Variants in INCENP observed in about 807,000 individuals in gnomAD.
The protein encoded by INCENP is binds and activates aurora-B and -C in vivo and in vitro.
A neutral mutation model predicts 107.3 loss-of-function variants in INCENP; 43 were observed. The ratio of observed to expected loss-of-function variants is 0.40; its 90% confidence interval spans 0.31 to 0.52. INCENP has a LOEUF of 0.52. Ranked by LOEUF, INCENP falls within the 20% of genes least tolerant of loss-of-function variation. INCENP has a pLI of 0.53. For missense variants in INCENP, 1,089 were observed against 1,250.9 expected, an observed-to-expected ratio of 0.87 and a Z score of 1.95; for synonymous variants, 488 against 494.4, an observed-to-expected ratio of 0.99 and a Z score of 0.17.
Position 62,137,689 on chromosome 11 carries a change from G to A in INCENP, c.1064-143G>A, listed in dbSNP as rs182686240. The A allele has an allele frequency of 2.2e-4, 159 of 736,030 alleles. 1 individual carries two copies. The highest frequency in any genetic ancestry group is 4.1e-5 in the Admixed American group (2 of 49,168). The allele number at this position is 736,030 out of a possible 1,614,324, so 45.6% of individuals were successfully genotyped here. A position where few individuals can be genotyped will look rare whatever the true frequency, so the allele number is the denominator to read the frequency against. ...GACACTAGTATGAGTGCTGAGGGGA[G>A]GGTCCTGGGCATGGTGGGGGCTCCA... On this transcript the variant is annotated intron_variant, in intron 4 of 18. Coordinates refer to ENST00000394818, the MANE Select transcript of INCENP (RefSeq NM_001040694.2).
intron 1 of INCENP, among the ~76,000 whole-genome samples, chr11:62,127,304 G>A (rs979597419): frequency 4.6e-5 from 7 of 152,204 alleles, no homozygotes; most frequent in African/African-American, 7.2e-5. Context: ...AAAGTGCTGG[G>A]ATTACGGGTG....
At chr11:62,147,879 CAT>C (rs1448344283) in intron 15 of INCENP, among the ~76,000 whole-genome samples, 1 of 152,128 alleles carries the variant, frequency 6.6e-6, no homozygotes, top group Non-Finnish European at 1.5e-5. Flanking sequence ...GTGTGATAGT[CAT>C]AGTGTCGGCA....
chr11:62,148,194 T>C (rs1446228650), intron 15 of INCENP, among the ~76,000 whole-genome samples: 1 of 152,190 alleles, frequency 6.6e-6, no homozygotes, highest in Non-Finnish European at 1.5e-5. Context: ...TGTTATGGTC[T>C]CCATTGTATA....
chr11:62,140,841 T>C lies in INCENP; in HGVS notation c.1461+20T>C, dbSNP rs2134653861. 6.2e-7 allele frequency: 1 copy of C among 1,613,486 alleles called. No individual in the cohort carries two copies. The highest frequency in any genetic ancestry group is 8.5e-7 in the Non-Finnish European group (1 of 1,179,742). On this transcript the variant is annotated intron_variant, in intron 9 of 18. Transcript: ENST00000394818. ...AGCAAGGTGAGCCAGGCACCTGCCC[T>C]CTCCTGGAGCCCTGACCCCCTTCAG...
chr11:62,131,388 G>A (rs1943890586), intron 4 of INCENP, among the ~76,000 whole-genome samples: 1 of 152,226 alleles, frequency 6.6e-6, no homozygotes, highest in Non-Finnish European at 1.5e-5. Context: ...ACTCGGTAAT[G>A]TTAGCTGCTC....
At chr11:62,125,442 G>A (rs546880680) in intron 1 of INCENP, among the ~76,000 whole-genome samples, 1 of 152,218 alleles carries the variant, frequency 6.6e-6, no homozygotes, top group Admixed American at 6.5e-5. Context: ...GAGGTCCTGC[G>A]CTTTGCCAGG....
intron 11 of INCENP, among the ~76,000 whole-genome samples, chr11:62,144,156 A>G (rs1473913201): frequency 6.6e-6 from 1 of 152,106 alleles, no homozygotes; most frequent in African/African-American, 2.4e-5. Context: ...ACATAGTGAA[A>G]CCCCACCTCT....
chr11:62,141,876 G>A (rs1944132253), intron 11 of INCENP: 1 of 381,566 alleles, frequency 2.6e-6, no homozygotes, highest in South Asian at 2.9e-5. Context: ...GTTGTCTGTG[G>A]TCCCCAGAGC....
rs767877684 is a variant in INCENP at position 62,130,447 on chromosome 11, C to G, written c.920C>G (p.Pro307Arg). Residue 307 changes from proline (P) to arginine (R), a missense_variant, in exon 4 of 19, where the codon CCG becomes CGG. Pro to Arg is a moderately radical substitution (Grantham distance 103). Coordinates refer to ENST00000394818, the MANE Select transcript of INCENP (RefSeq NM_001040694.2). ...GACTCTCAATCGGTGCGGCACAGCCCGATCGCCCCGTCTTCCCCGAGTCCC... is the reference window on the plus strand; with the variant it reads ...GACTCTCAATCGGTGCGGCACAGCCGGATCGCCCCGTCTTCCCCGAGTCCC... The part of the protein sequence containing the change: ...RTDSQSVRHS[P>R]IAPSSPSPQV... 7 of 1,613,916 alleles carry G rather than the reference C, an allele frequency of 4.3e-6. No homozygotes were observed. The highest frequency in any genetic ancestry group is 5.9e-6 in the Non-Finnish European group (7 of 1,180,050).
At chr11:62,129,069 G>C (rs1343031736) in intron 3 of INCENP, among the ~76,000 whole-genome samples, 186 bp downstream of exon 3, 3 of 152,176 alleles carry the variant, frequency 2.0e-5, no homozygotes, top group Admixed American at 2.0e-4. Flanking sequence ...ACTATAGCTT[G>C]ACCCAAGACC....
At chr11:62,149,938 A>T in intron 17 of INCENP, 119 bp from the exon 18 acceptor site, 1 of 1,008,982 alleles carries the variant, frequency 9.9e-7, no homozygotes, top group Non-Finnish European at 1.5e-6. Flanking sequence ...AGAAAAAGTG[A>T]TCCTGCACCT....
intron 1 of INCENP, among the ~76,000 whole-genome samples, chr11:62,124,942 A>G (rs1943718651): frequency 6.6e-6 from 1 of 152,228 alleles, no homozygotes; most frequent in African/African-American, 2.4e-5. Context: ...AGCAGCTGCT[A>G]TGCGCTTTCT....
At chr11:62,143,245 G>C (rs1944164626) in intron 11 of INCENP, among the ~76,000 whole-genome samples, 1 of 149,916 alleles carries the variant, frequency 6.7e-6, no homozygotes, top group Non-Finnish European at 1.5e-5. Flanking sequence ...GTTGCCATAG[G>C]ACTGCTTGTG....
In INCENP at chr11:62,141,045, G is replaced by A. The variant is rs775929938; in HGVS notation, c.1593+1G>A. The A allele has an allele frequency of 1.2e-6, 2 of 1,612,744 alleles. No individual in the cohort carries two copies. Among genetic ancestry groups the A allele is most frequent in the African/African-American group, 1.3e-5 (1 of 74,928 alleles). ...CACTCCCCTGCGCATGGACCCCAAG[G>A]TGAGGGGCCTGTGCCCAGGCCGGGC... On this transcript the variant is annotated splice_donor_variant, in intron 10 of 18. Transcript: ENST00000394818. LOFTEE classifies it high-confidence loss of function.
At chr11:62,125,247 G>GT (rs1943724345) in intron 1 of INCENP, among the ~76,000 whole-genome samples, 1 of 152,162 alleles carries the variant, frequency 6.6e-6, no homozygotes, top group Non-Finnish European at 1.5e-5. Context: ...TTTTTAAATC[G>GT]TTGCGCTAAG....
intron 10 of INCENP, 69 bp from the exon 11 acceptor site, chr11:62,141,431 G>A (rs1944119682): frequency 2.5e-6 from 4 of 1,607,578 alleles, no homozygotes; most frequent in Non-Finnish European, 3.4e-6. Context: ...AGCTGGGCAT[G>A]TGGCCTGCCC....
intron 1 of INCENP, among the ~76,000 whole-genome samples, chr11:62,127,246 C>G (rs1943772152): frequency 6.6e-6 from 1 of 152,026 alleles, no homozygotes; most frequent in South Asian, 2.1e-4. Flanking sequence ...ATTGGCCAGG[C>G]TGGTTTTGAA....
Position 62,148,540 on chromosome 11 carries a change from G to GAGA in INCENP, c.2281_2283dup (p.Lys761dup). ...GGAGCAGCTGCAGAGGGAACTGGAGGAGAAGAAGAAGAAGGTGAGGGGAGC... is the reference window on the plus strand; with the variant it reads ...GGAGCAGCTGCAGAGGGAACTGGAGGAGAAGAAGAAGAAGAAGGTGAGGGGAGC... On this transcript the variant is annotated inframe_insertion, in exon 16 of 19. Transcript: ENST00000394818. 6.2e-7 allele frequency: 1 copy of GAGA among 1,607,276 alleles called. No homozygotes were observed. Among genetic ancestry groups the GAGA allele is most frequent in the South Asian group, 1.1e-5 (1 of 89,250 alleles).
At chr11:62,132,698 C>A (rs146072927) in intron 4 of INCENP, among the ~76,000 whole-genome samples, 41 of 152,284 alleles carry the variant, frequency 2.7e-4, no homozygotes, top group Admixed American at 4.6e-4. Context: ...TTCCATCACT[C>A]TTCCCTCTCT....
Sources: gnomAD v4.1 joint callset for allele counts (sites outside exome capture counted in the v4.1 genomes callset) on GRCh38, gnomAD v4.1.1 for gene constraint, MANE v1.5 for transcripts, NCBI Gene and HGNC (gene_info 2026-07-23, HGNC 2026-07-21) for gene names.